Variants in HIVEP1 observed in about 807,000 individuals in gnomAD.
HIVEP1 encodes zinc finger protein 40.
HIVEP1 carries 36 observed loss-of-function variants against 180.0 expected under a neutral mutation model. The ratio of observed to expected loss-of-function variants is 0.20; its 90% CI spans 0.15 to 0.26. HIVEP1 has a LOEUF of 0.26. Among genes scored for constraint, HIVEP1 ranks in the 10% least tolerant of loss-of-function variants. HIVEP1 has a pLI of 1.00. For missense variants in HIVEP1, 3,143 were observed against 3,268.7 expected (o/e 0.96, Z 0.94); for synonymous variants, 1,239 against 1,239.0 (o/e 1.00, Z 0.00).
At chr6:12,019,677 A>G (rs977098448) in intron 2 of HIVEP1, among the ~76,000 whole-genome samples, 2 of 152,124 alleles carry the variant, frequency 1.3e-5, no homozygotes, top group African/African-American at 2.4e-5. Flanking sequence ...TCCGTATTAA[A>G]AGGCAGATAC....
At chr6:12,078,719 C>CACACACATATATATATATAT (rs758199591) in intron 2 of HIVEP1, among the ~76,000 whole-genome samples, 1 of 146,358 alleles carries the variant, frequency 6.8e-6, no homozygotes, top group Non-Finnish European at 1.5e-5. Flanking sequence ...CACACACACA[C>CACACACATATATATATATAT]ATATATATAT....
At chr6:12,075,759 G>A (rs1374936435) in intron 2 of HIVEP1, among the ~76,000 whole-genome samples, 3 of 152,052 alleles carry the variant, frequency 2.0e-5, no homozygotes, top group Admixed American at 6.6e-5. Context: ...TTGCTTTAAA[G>A]CTAACCTTGG....
chr6:12,186,423 A>C, the HIVEP1 span, among the ~76,000 whole-genome samples: 1 of 151,962 alleles, frequency 6.6e-6, no homozygotes, highest in Non-Finnish European at 1.5e-5. Context: ...CTTGGGCTGA[A>C]GATAAGAATT....
intron 2 of HIVEP1, among the ~76,000 whole-genome samples, chr6:12,032,494 GA>G (rs947004532): frequency 2.0e-5 from 3 of 151,924 alleles, no homozygotes; most frequent in Non-Finnish European, 2.9e-5. Context: ...TTTAGTGGGG[GA>G]AAAAAAGCAA....
intron 2 of HIVEP1, among the ~76,000 whole-genome samples, chr6:12,081,166 A>G (rs950564695): frequency 2.0e-5 from 3 of 152,144 alleles, no homozygotes; most frequent in Non-Finnish European, 2.9e-5. Flanking sequence ...CAAACGTGGC[A>G]TCCCTTCTCC....
At chr6:12,010,415 T>G (rs936905497), upstream of HIVEP1, among the ~76,000 whole-genome samples, 1 of 152,188 alleles carries the variant, frequency 6.6e-6, no homozygotes, top group African/African-American at 2.4e-5. Context: ...TTAGCTCAAA[T>G]GAGCCAGAGG....
intron 2 of HIVEP1, among the ~76,000 whole-genome samples, chr6:12,036,823 G>A (rs1003911547): frequency 2.6e-5 from 4 of 152,232 alleles, no homozygotes; most frequent in South Asian, 4.1e-4. Context: ...CAGGAGAAGT[G>A]CTTGAACCCG....
chr6:12,060,277 C>T (rs544916110), intron 2 of HIVEP1, among the ~76,000 whole-genome samples: 1 of 152,280 alleles, frequency 6.6e-6, no homozygotes, highest in Non-Finnish European at 1.5e-5. Flanking sequence ...TTTCCAATCT[C>T]TGTAGCCATA....
chr6:12,159,514 C>T (rs1760270030), intron 7 of HIVEP1, among the ~76,000 whole-genome samples: 1 of 152,156 alleles, frequency 6.6e-6, no homozygotes, highest in Non-Finnish European at 1.5e-5. Flanking sequence ...TCCCCAGGGC[C>T]TTCTCCTCAG....
chr6:12,098,209 A>G (rs1200698914), intron 3 of HIVEP1, among the ~76,000 whole-genome samples: 3 of 152,230 alleles, frequency 2.0e-5, no homozygotes, highest in Non-Finnish European at 4.4e-5. Flanking sequence ...AATTTGTCTT[A>G]CATTATATTA....
rs1723998085 is a variant in HIVEP1 at position 12,120,495 on chromosome 6, C to G, written c.700C>G (p.Pro234Ala). ...GCCAAATAAAACTGCACGTTCCCCTCCCAAATTAAAAAACAGTTCAATGGA... is the reference window on the plus strand; with the variant it reads ...GCCAAATAAAACTGCACGTTCCCCTGCCAAATTAAAAAACAGTTCAATGGA... Reference protein sequence around the residue: ...LRPNKTARSPPKLKNSSMDAP... With the variant: ...LRPNKTARSPAKLKNSSMDAP... The change falls in exon 4 of 9, where the codon CCC becomes GCC. Residue 234 changes from proline to alanine, a missense_variant. Physicochemically the swap from Pro to Ala is conservative, Grantham distance 27 (BLOSUM62 -1). Transcript: ENST00000379388. The G allele has an allele frequency of 6.2e-7, 1 of 1,614,136 alleles. No homozygotes were observed. The highest frequency in any genetic ancestry group is 1.3e-5 in the African/African-American group (1 of 75,042).
chr6:12,152,856 G>A (rs1045910651), intron 7 of HIVEP1, among the ~76,000 whole-genome samples: 3 of 152,132 alleles, frequency 2.0e-5, no homozygotes, highest in Admixed American at 2.0e-4. Flanking sequence ...TGCTAATCCT[G>A]ACCTGACCTG....
At chr6:12,191,951 A>T in the HIVEP1 span, among the ~76,000 whole-genome samples, 1 of 152,230 alleles carries the variant, frequency 6.6e-6, no homozygotes, top group Non-Finnish European at 1.5e-5. Context: ...GCCAGAAAAC[A>T]TGATAAAGTA....
intron 3 of HIVEP1, among the ~76,000 whole-genome samples, chr6:12,102,724 G>A (rs1056967407): frequency 1.3e-5 from 2 of 152,118 alleles, no homozygotes; most frequent in African/African-American, 2.4e-5. Context: ...AAACATCTTC[G>A]TAAATATCAA....
chr6:12,080,848 C>G (rs1772740662), intron 2 of HIVEP1, among the ~76,000 whole-genome samples: 1 of 152,154 alleles, frequency 6.6e-6, no homozygotes, highest in Non-Finnish European at 1.5e-5. Flanking sequence ...CATTATCACA[C>G]TAGGGTAGAC....
At chr6:12,115,852 G>A (rs562857149) in intron 3 of HIVEP1, among the ~76,000 whole-genome samples, 3 of 151,864 alleles carry the variant, frequency 2.0e-5, no homozygotes, top group Non-Finnish European at 4.4e-5. Flanking sequence ...AGGCTCGCGG[G>A]GGGTGCTGGT....
intron 3 of HIVEP1, among the ~76,000 whole-genome samples, chr6:12,098,231 A>T (rs1773887282): frequency 6.6e-6 from 1 of 152,230 alleles, no homozygotes; most frequent in African/African-American, 2.4e-5. Flanking sequence ...ATACATATTT[A>T]TGTCCACTGG....
chr6:12,145,055 A>T (rs1489119831), intron 7 of HIVEP1, among the ~76,000 whole-genome samples: 2 of 152,238 alleles, frequency 1.3e-5, no homozygotes, highest in Non-Finnish European at 2.9e-5. Context: ...ATGCTACTAT[A>T]AAGACACATG....
chr6:12,065,696 T>TGTGTGTGTGC (rs1771528851), intron 2 of HIVEP1, among the ~76,000 whole-genome samples: 3 of 142,358 alleles, frequency 2.1e-5, no homozygotes, highest in African/African-American at 5.1e-5. Flanking sequence ...TGTGTGCGTG[T>TGTGTGTGTGC]GTGTGTGTGT....
Sources: gnomAD v4.1 joint callset for allele counts (sites outside exome capture counted in the v4.1 genomes callset) on GRCh38, gnomAD v4.1.1 for gene constraint, MANE v1.5 for transcripts, NCBI Gene and HGNC (gene_info 2026-07-23, HGNC 2026-07-21) for gene names.